PDE1C: variants seen among roughly 807,000 people sequenced by gnomAD.
PDE1C encodes the protein phosphodiesterase 1C, also known as dual specificity calcium/calmodulin-dependent 3',5'-cyclic nucleotide phosphodiesterase 1C.
A neutral mutation model predicts 93.1 loss-of-function variants in PDE1C; 62 were observed. The ratio of observed to expected loss-of-function variants is 0.67; its 90% CI spans 0.54 to 0.82. The LOEUF is 0.82. Among genes scored for constraint, PDE1C ranks in the 40% least tolerant of loss-of-function variants. The pLI is 0.00. For synonymous variants in PDE1C, 325 were observed against 310.1 expected (o/e 1.05, Z -0.50); for missense variants, 742 against 884.6 (o/e 0.84, Z 2.04).
At chr7:31,996,259 C>T (rs1436087904) in intron 2 of PDE1C, among the ~76,000 whole-genome samples, 4 of 152,026 alleles carry the variant, frequency 2.6e-5, no homozygotes, top group Middle Eastern at 3.4e-3. Flanking sequence ...CAAAGTTTTC[C>T]CACCCCGCCC....
the PDE1C span, among the ~76,000 whole-genome samples, chr7:31,636,982 G>A: frequency 7.4e-5 from 11 of 149,070 alleles, no homozygotes; most frequent in East Asian, 4.0e-4. Flanking sequence ...GAGAACATGC[G>A]GTGTTTGGTT....
At chr7:32,048,894 C>T (rs952541908) in intron 2 of PDE1C, among the ~76,000 whole-genome samples, 2 of 151,906 alleles carry the variant, frequency 1.3e-5, no homozygotes, top group African/African-American at 4.8e-5. Flanking sequence ...ATTACAGTGA[C>T]AAAATAAAAA....
intron 2 of PDE1C, among the ~76,000 whole-genome samples, chr7:32,036,608 C>T (rs1791129422): frequency 1.3e-5 from 2 of 152,180 alleles, no homozygotes; most frequent in South Asian, 2.1e-4. Context: ...GCACAAATTA[C>T]TAATGTCCCG....
chr7:32,125,896 G>A (rs2128767549), intron 3 of PDE1C, among the ~76,000 whole-genome samples: 1 of 152,204 alleles, frequency 6.6e-6, no homozygotes, highest in Non-Finnish European at 1.5e-5. Context: ...GAAGCAAGCT[G>A]TTCTCCAGCA....
intron 1 of PDE1C, among the ~76,000 whole-genome samples, chr7:32,273,548 A>G (rs1269191994): frequency 6.6e-6 from 1 of 152,182 alleles, no homozygotes; most frequent in East Asian, 1.9e-4. Flanking sequence ...GACTTCCTTC[A>G]TGGTTCCTTG....
chr7:32,420,110 T>TATATATAC (rs1562716311), intron 1 of PDE1C, among the ~76,000 whole-genome samples: 1 of 23,642 alleles, frequency 4.2e-5, no homozygotes, highest in Non-Finnish European at 8.8e-5. Flanking sequence ...TATATATATA[T>TATATATAC]ATATATATAT....
chr7:31,966,367 A>G (rs555057878), intron 2 of PDE1C, among the ~76,000 whole-genome samples: 38 of 152,360 alleles, frequency 2.5e-4, no homozygotes, highest in African/African-American at 9.1e-4. Flanking sequence ...AAAGAAGGCC[A>G]TTACATAATG....
chr7:31,972,437 G>A (rs976046764), intron 2 of PDE1C, among the ~76,000 whole-genome samples: 3 of 152,100 alleles, frequency 2.0e-5, no homozygotes, highest in African/African-American at 7.2e-5. Context: ...ACTCTTCATA[G>A]AATCTTAGAG....
intron 3 of PDE1C, among the ~76,000 whole-genome samples, chr7:32,122,464 G>A (rs1248854188): frequency 6.6e-6 from 1 of 151,970 alleles, no homozygotes. Context: ...CCACATAATT[G>A]GAAATAACAC....
chr7:32,101,472 G>C (rs1798032936), intron 3 of PDE1C, among the ~76,000 whole-genome samples: 1 of 152,098 alleles, frequency 6.6e-6, no homozygotes, highest in African/African-American at 2.4e-5. Flanking sequence ...CATGGGGATG[G>C]ATCCCTCATG....
chr7:32,254,464 T>C (rs1809639494), intron 1 of PDE1C, among the ~76,000 whole-genome samples: 1 of 152,096 alleles, frequency 6.6e-6, no homozygotes, highest in Non-Finnish European at 1.5e-5. Flanking sequence ...AAAACAACCC[T>C]CTCCCTTTTC....
chr7:32,057,839 A>T (rs1341051295), intron 1 of PDE1C, among the ~76,000 whole-genome samples: 1 of 152,122 alleles, frequency 6.6e-6, no homozygotes, highest in Non-Finnish European at 1.5e-5. Context: ...AGCATCAAGT[A>T]CTCCAGAATC....
chr7:31,804,836 G>GT (rs1001240922), intron 16 of PDE1C, among the ~76,000 whole-genome samples: 28 of 151,948 alleles, frequency 1.8e-4, no homozygotes, highest in African/African-American at 6.3e-4. Context: ...CAGGTGGGTA[G>GT]TAAGTAGAAC....
chr7:31,670,117 C>A, the PDE1C span, among the ~76,000 whole-genome samples: 6 of 152,134 alleles, frequency 3.9e-5, no homozygotes, highest in African/African-American at 7.2e-5. Flanking sequence ...TTCAGTCAGC[C>A]CCAAACATTC....
chr7:31,996,881 G>T (rs1239269448), intron 2 of PDE1C, among the ~76,000 whole-genome samples: 2 of 152,292 alleles, frequency 1.3e-5, no homozygotes, highest in African/African-American at 4.8e-5. Context: ...GGAGGTGATA[G>T]TACCAGATAT....
chr7:31,629,315 T>G, the PDE1C span, among the ~76,000 whole-genome samples: 1 of 152,172 alleles, frequency 6.6e-6, no homozygotes, highest in African/African-American at 2.4e-5. Flanking sequence ...AAATGTTCTG[T>G]TTCAGAAATA....
At chr7:32,417,983 T>TTTTTG (rs1332774121) in intron 1 of PDE1C, among the ~76,000 whole-genome samples, 4 of 152,140 alleles carry the variant, frequency 2.6e-5, no homozygotes, top group African/African-American at 9.7e-5. Flanking sequence ...TGTTTGTTTG[T>TTTTTG]TTTTGTTTTG....
chr7:32,410,901 G>C (rs148326038), intron 1 of PDE1C, among the ~76,000 whole-genome samples: 1 of 152,146 alleles, frequency 6.6e-6, no homozygotes, highest in Non-Finnish European at 1.5e-5. Flanking sequence ...TCCCTTGTAG[G>C]TTCCCTTAAC....
intron 1 of PDE1C, among the ~76,000 whole-genome samples, chr7:32,064,937 C>T (rs7799642): frequency 0.86 from 131,239 of 151,866 alleles, 56,896 homozygotes; most frequent in African/African-American, 0.91. Context: ...TGCAAGAGGA[C>T]ACCACACATT....
Sources: allele counts gnomAD v4.1 joint callset (sites outside exome capture counted in the v4.1 genomes callset), GRCh38; gene constraint gnomAD v4.1.1; transcripts MANE v1.5; gene names NCBI Gene and HGNC (gene_info 2026-07-23, HGNC 2026-07-21).